The following CSMD1 variants were observed in gnomAD, a reference collection of about 807,000 sequenced individuals.
CSMD1 encodes the protein CUB and sushi domain-containing protein 1.
CSMD1 carries 213 observed loss-of-function variants against 417.5 expected under a neutral mutation model. The observed-to-expected ratio is 0.51, with a 90% CI of 0.46 to 0.57. The LOEUF (loss-of-function observed/expected upper bound fraction) is 0.57, where lower values mean the gene tolerates loss of function less well. Among genes scored for constraint, CSMD1 ranks in the 20% least tolerant of loss-of-function variants. The pLI is 0.00. For synonymous variants in CSMD1, 2,862 were observed against 1,736.8 expected, an observed-to-expected ratio of 1.65 and a Z score of -16.11; for missense variants, 6,923 against 4,529.7, an observed-to-expected ratio of 1.53 and a Z score of -15.17.
At chr8:3,426,770 G>A (rs1221379223) in intron 12 of CSMD1, among the ~76,000 whole-genome samples, 1 of 152,158 alleles carries the variant, frequency 6.6e-6, no homozygotes, top group Admixed American at 6.5e-5. Flanking sequence ...TTGGTGCTAA[G>A]TTATATTTAA....
intron 1 of CSMD1, among the ~76,000 whole-genome samples, chr8:4,658,480 C>A (rs762366333): frequency 6.6e-6 from 1 of 152,010 alleles, no homozygotes; most frequent in Non-Finnish European, 1.5e-5. Flanking sequence ...AAAGCAAAAA[C>A]AAAAACAAAA....
intron 37 of CSMD1, among the ~76,000 whole-genome samples, chr8:3,170,822 C>T (rs1820539573): frequency 6.6e-6 from 1 of 152,168 alleles, no homozygotes; most frequent in South Asian, 2.1e-4. Context: ...CCCCTGATTT[C>T]TTTAAAGCAT....
chr8:3,345,988 G>A (rs917038551), intron 22 of CSMD1, among the ~76,000 whole-genome samples: 3 of 152,108 alleles, frequency 2.0e-5, no homozygotes, highest in Non-Finnish European at 4.4e-5. Context: ...CGTGTGCAGG[G>A]GGTGCGTGTA....
chr8:3,740,043 T>G (rs1395355086), intron 6 of CSMD1, among the ~76,000 whole-genome samples: 1 of 152,232 alleles, frequency 6.6e-6, no homozygotes, highest in Non-Finnish European at 1.5e-5. Flanking sequence ...TCGTAGCCAC[T>G]TACAATATGC....
intron 3 of CSMD1, among the ~76,000 whole-genome samples, chr8:4,199,441 A>G (rs1249353193): frequency 6.6e-6 from 1 of 152,202 alleles, no homozygotes; most frequent in East Asian, 1.9e-4. Flanking sequence ...ATGTAAGTCT[A>G]TTGCATCTCA....
chr8:3,610,526 A>C (rs1252610866), intron 8 of CSMD1, among the ~76,000 whole-genome samples: 1 of 152,126 alleles, frequency 6.6e-6, no homozygotes, highest in African/African-American at 2.4e-5. Flanking sequence ...AAAAATAAAT[A>C]GGTCATATAA....
chr8:4,328,029 GCGT>G (rs1799655519), intron 3 of CSMD1, among the ~76,000 whole-genome samples: 1 of 152,102 alleles, frequency 6.6e-6, no homozygotes, highest in African/African-American at 2.4e-5. Flanking sequence ...GAGGTACTTA[GCGT>G]CAGTTATTGG....
chr8:3,348,126 T>G lies in CSMD1; in HGVS notation c.3340A>C (p.Thr1114Pro). 3.7e-6 allele frequency: 6 copies of G among 1,612,414 alleles called. No individual in the cohort carries two copies. The highest frequency in any genetic ancestry group is 5.1e-6 in the Non-Finnish European group (6 of 1,179,170). ...CGASVKGNEG[T>P]LLSPNFPSNY... ...GATGGAAAATTTGGAGACAGTAATG[T>G]TCCTTCATTTCCTTTGACACTTGCT... Residue 1114 changes from threonine (T) to proline (P), a missense_variant, in exon 22 of 70, where the codon ACA (threonine) becomes CCA (proline). Thr to Pro is a conservative substitution (Grantham distance 38). Transcript: ENST00000635120.
At chr8:4,280,911 G>T (rs188513355) in intron 3 of CSMD1, among the ~76,000 whole-genome samples, 1 of 152,146 alleles carries the variant, frequency 6.6e-6, no homozygotes, top group Admixed American at 6.5e-5. Context: ...CATGGAAGTT[G>T]CAATTGCAAA....
chr8:4,355,391 A>G (rs558726397), intron 3 of CSMD1, among the ~76,000 whole-genome samples: 5 of 152,138 alleles, frequency 3.3e-5, no homozygotes, highest in Admixed American at 3.3e-4. Context: ...TGACGCGTTA[A>G]GAGTGTTCTT....
chr8:3,877,747 T>C (rs982066705), intron 5 of CSMD1, among the ~76,000 whole-genome samples: 1 of 152,184 alleles, frequency 6.6e-6, no homozygotes, highest in Non-Finnish European at 1.5e-5. Flanking sequence ...CCGTTAATAA[T>C]TCACTTTGAT....
intron 5 of CSMD1, among the ~76,000 whole-genome samples, chr8:3,781,278 G>A (rs985871072): frequency 6.6e-6 from 1 of 152,108 alleles, no homozygotes; most frequent in South Asian, 2.1e-4. Context: ...TACATGCCGA[G>A]AGAATATGGT....
intron 3 of CSMD1, among the ~76,000 whole-genome samples, chr8:4,092,837 C>G (rs188824460): frequency 6.6e-6 from 1 of 152,048 alleles, no homozygotes; most frequent in African/African-American, 2.4e-5. Context: ...GATCAAAGCA[C>G]TTTGCTGGTT....
At chr8:3,180,133 C>A (rs1334760059) in intron 37 of CSMD1, among the ~76,000 whole-genome samples, 4 of 152,194 alleles carry the variant, frequency 2.6e-5, no homozygotes, top group Non-Finnish European at 5.9e-5. Flanking sequence ...TGCTTGAAAA[C>A]AGGTCCTAAA....
chr8:3,493,552 G>T, intron 11 of CSMD1, 71 bp downstream of exon 11: 2 of 1,297,838 alleles, frequency 1.5e-6, no homozygotes, highest in Non-Finnish European at 1.1e-6. Context: ...GCCTGTAGCA[G>T]AATCTCATCT....
intron 1 of CSMD1, among the ~76,000 whole-genome samples, chr8:4,850,912 C>T (rs916064002): frequency 1.6e-4 from 23 of 147,624 alleles, no homozygotes; most frequent in Admixed American, 1.4e-3. Context: ...CCTTGCCCCC[C>T]CACTTTTTGT....
Position 3,859,068 on chromosome 8 carries a change from T to C in CSMD1, c.819-105026A>G, listed in dbSNP as rs138450174. Among the ~76,000 whole-genome samples, 10 of 152,336 alleles carry C rather than the reference T, an allele frequency of 6.6e-5. No individual in the cohort carries two copies. In the East Asian group the frequency reaches 1.9e-3, roughly 29 times the overall value. ...GAAATTTTACATTATTCATGTGTTA[T>C]GTGATATTCATCTTCTCATCCATGC... On this transcript the variant is annotated intron_variant, in intron 5 of 69. Coordinates refer to ENST00000635120, the MANE Select transcript of CSMD1 (RefSeq NM_033225.6).
intron 3 of CSMD1, among the ~76,000 whole-genome samples, chr8:4,319,349 T>G (rs1799126115): frequency 6.6e-6 from 1 of 152,164 alleles, no homozygotes; most frequent in African/African-American, 2.4e-5. Context: ...ATTTTCCTCC[T>G]TTCCTTTTGC....
At chr8:4,146,444 G>A (rs1296945881) in intron 3 of CSMD1, among the ~76,000 whole-genome samples, 2 of 150,506 alleles carry the variant, frequency 1.3e-5, no homozygotes, top group South Asian at 2.1e-4. Flanking sequence ...ATGTGTCTCA[G>A]CAGTAAGTGT....
Sources: allele counts gnomAD v4.1 joint callset (sites outside exome capture counted in the v4.1 genomes callset), GRCh38; gene constraint gnomAD v4.1.1; transcripts MANE v1.5; gene names NCBI Gene and HGNC (gene_info 2026-07-23, HGNC 2026-07-21).